Variants in SLC7A2 observed in about 807,000 individuals in gnomAD.
SLC7A2 encodes the protein solute carrier family 7 member 2.
In SLC7A2, 48 loss-of-function variants were observed where a neutral mutation model predicts 58.9. The observed-to-expected ratio is 0.82, with a 90% CI of 0.65 to 1.04. The LOEUF is 1.04. Ranked by LOEUF, SLC7A2 falls within the 50% of genes least tolerant of loss-of-function variation. The pLI, the probability that SLC7A2 is intolerant of heterozygous loss-of-function variation, is 0.00. For missense variants in SLC7A2, 1,029 were observed against 818.8 expected, an observed-to-expected ratio of 1.26 and a Z score of -3.13; for synonymous variants, 363 against 314.5, an observed-to-expected ratio of 1.15 and a Z score of -1.63.
intron 8 of SLC7A2, among the ~76,000 whole-genome samples, chr8:17,555,841 C>G (rs1802673432): frequency 6.6e-6 from 1 of 152,092 alleles, no homozygotes. Context: ...GATTCTAGAT[C>G]CAGACAATGG....
At chr8:17,511,121 G>C (rs1025983833) in intron 2 of SLC7A2, 1 of 149,558 alleles carries the variant, frequency 6.7e-6, no homozygotes, top group Non-Finnish European at 1.5e-5. Context: ...GCGAGGGGAG[G>C]GAGAGCATTA....
intron 5 of SLC7A2, among the ~76,000 whole-genome samples, chr8:17,549,936 C>G (rs1239043844): frequency 6.6e-6 from 1 of 152,158 alleles, no homozygotes; most frequent in Non-Finnish European, 1.5e-5. Flanking sequence ...AGAATGAATT[C>G]TCCTAAGAAT....
At chr8:17,504,708 G>A (rs1483720985) in intron 2 of SLC7A2, among the ~76,000 whole-genome samples, 2 of 152,122 alleles carry the variant, frequency 1.3e-5, no homozygotes, top group African/African-American at 4.8e-5. Flanking sequence ...AGGTAGAATT[G>A]TATAATATTT....
chr8:17,524,054 A>G (rs555490783), intron 2 of SLC7A2, among the ~76,000 whole-genome samples: 5 of 152,326 alleles, frequency 3.3e-5, no homozygotes, highest in South Asian at 2.1e-4. Flanking sequence ...CCATAATGCA[A>G]TACCACCTCA....
intron 2 of SLC7A2, among the ~76,000 whole-genome samples, chr8:17,525,070 A>G (rs1021972099): frequency 3.3e-5 from 5 of 152,100 alleles, no homozygotes; most frequent in African/African-American, 1.2e-4. Flanking sequence ...CATTCTCTAC[A>G]TCACATCCTA....
chr8:17,517,341 A>T (rs1012242697), intron 2 of SLC7A2, among the ~76,000 whole-genome samples: 1 of 152,190 alleles, frequency 6.6e-6, no homozygotes, highest in Non-Finnish European at 1.5e-5. Flanking sequence ...CTTGTTCTGA[A>T]ATGTGTTTTG....
At chr8:17,526,380 C>T (rs755155731) in intron 2 of SLC7A2, among the ~76,000 whole-genome samples, 2 of 152,136 alleles carry the variant, frequency 1.3e-5, no homozygotes, top group Non-Finnish European at 2.9e-5. Context: ...AAGCAGAGCT[C>T]CTAAATCTCT....
At chr8:17,500,146 C>T (rs1800095667) in intron 1 of SLC7A2, 3 of 152,264 alleles carry the variant, frequency 2.0e-5, no homozygotes, top group South Asian at 2.1e-4. Flanking sequence ...ATTTTAAGAG[C>T]AGTTTTTTAT....
chr8:17,513,104 G>A (rs1490685409), intron 2 of SLC7A2, among the ~76,000 whole-genome samples: 1 of 152,182 alleles, frequency 6.6e-6, no homozygotes, highest in African/African-American at 2.4e-5. Context: ...CATGAACGAT[G>A]CTGCTGTGAA....
intron 2 of SLC7A2, among the ~76,000 whole-genome samples, chr8:17,507,069 C>T (rs917881109): frequency 6.6e-6 from 1 of 151,996 alleles, no homozygotes; most frequent in African/African-American, 2.4e-5. Context: ...CTCAGCCTCC[C>T]AGGTAGCTGG....
rs766181284 is a variant in SLC7A2, at chr8:17,543,272, G to A, written c.-22-46G>A. 4 of 1,535,176 alleles carry A rather than the reference G, an allele frequency of 2.6e-6. No individual in the cohort carries two copies. In the South Asian group the frequency reaches 3.8e-5, roughly 15 times the overall value. ...CTGGAAGCTAGGTTACCAAAGGGAG[G>A]GATGACAATTCCAGATCAGCTTCTA... On this transcript the variant is annotated intron_variant, in intron 2 of 12. Transcript: ENST00000494857.
chr8:17,496,752 C>G (rs949019950), upstream of SLC7A2, among the ~76,000 whole-genome samples: 1 of 152,202 alleles, frequency 6.6e-6, no homozygotes, highest in Non-Finnish European at 1.5e-5. Context: ...CAAAACCCCA[C>G]TTAGAACTCT....
Position 17,497,910 on chromosome 8 carries a change from A to G in SLC7A2, c.-69+673A>G, listed in dbSNP as rs537536460. On this transcript the variant is annotated intron_variant, in intron 1 of 12. Transcript: ENST00000494857. ...TTCTTGAGGCTTAGAGAATCTCCCA[A>G]CCCATCACCCCAGAGTACCTGTCCG... is the stretch of plus-strand genomic sequence containing the variant. Among the ~76,000 whole-genome samples the G allele has an allele frequency of 2.6e-5, 4 of 152,250 alleles. No individual in the cohort carries two copies. The East Asian group carries it at 5.8e-4, about 22-fold the overall frequency.
intron 1 of SLC7A2, among the ~76,000 whole-genome samples, 182 bp from the exon 2 acceptor site, chr8:17,502,075 T>C (rs1250519977): frequency 6.6e-6 from 1 of 151,706 alleles, no homozygotes; most frequent in East Asian, 1.9e-4. Context: ...ATTATATATA[T>C]ATATGTATTC....
At chr8:17,562,180 A>ATTTTTTTTTTTTTTTTTT (rs200130071) in intron 11 of SLC7A2, 70 bp downstream of exon 11, 22 of 594,388 alleles carry the variant, frequency 3.7e-5, no homozygotes, top group African/African-American at 1.8e-4. Flanking sequence ...TTTGGTAAGT[A>ATTTTTTTTTTTTTTTTTT]TTTTTTTTTT....
intron 2 of SLC7A2, among the ~76,000 whole-genome samples, chr8:17,511,968 G>T (rs887330323): frequency 2.6e-5 from 4 of 152,090 alleles, no homozygotes; most frequent in Admixed American, 2.6e-4. Flanking sequence ...ATCTCATTTG[G>T]AAATCTTTGG....
At chr8:17,534,056 C>G (rs1185599706) in intron 2 of SLC7A2, among the ~76,000 whole-genome samples, 1 of 152,168 alleles carries the variant, frequency 6.6e-6, no homozygotes, top group Non-Finnish European at 1.5e-5. Flanking sequence ...AGGATAATGG[C>G]TTCCAGCTTC....
At position 17,565,159 on chromosome 8, in the gene SLC7A2, C is replaced by A; in HGVS notation, c.*13C>A. On this transcript the variant is annotated 3_prime_UTR_variant, in exon 13 of 13. Transcript: ENST00000494857. ...AAGTGAATTCTAACACTTGCAGGAG[C>A]AGAGCTGGTCATCGTCTTAGCATAC... 1.3e-6 allele frequency: 2 copies of A among 1,595,940 alleles called. No individual in the cohort carries two copies. The highest frequency in any genetic ancestry group is 8.6e-7 in the Non-Finnish European group (1 of 1,167,072).
rs1802299994 is a variant in SLC7A2, at chr8:17,548,799, G to A, written c.654G>A (p.Trp218Ter). The A allele has an allele frequency of 6.2e-7, 1 of 1,613,446 alleles. No individual in the cohort carries two copies. The highest frequency in any genetic ancestry group is 8.5e-7 in the Non-Finnish European group (1 of 1,179,864). Residue 218 changes from tryptophan to a stop codon, truncating the protein, a stop_gained, in exon 5 of 13, where the codon TGG becomes TGA. Coordinates refer to ENST00000494857, the MANE Select transcript of SLC7A2 (RefSeq NM_001370338.1). LOFTEE classifies it high-confidence loss of function. The part of the protein sequence containing the change: ...AGFVKGNVAN[W>*]KISEEFLKNI... ...TTGTGAAAGGAAATGTGGCAAACTG[G>A]AAGATTAGTGAAGAGTTTCTCAAAA...
Sources: gnomAD v4.1 joint callset for allele counts (sites outside exome capture counted in the v4.1 genomes callset) on GRCh38, gnomAD v4.1.1 for gene constraint, MANE v1.5 for transcripts, NCBI Gene and HGNC (gene_info 2026-07-23, HGNC 2026-07-21) for gene names.